Variants in CEP95 observed in about 807,000 individuals in gnomAD.
CEP95 encodes the protein centrosomal protein of 95 kDa.
CEP95 carries 98 observed loss-of-function variants against 111.2 expected under a neutral mutation model. The ratio of observed to expected loss-of-function variants is 0.88; its 90% CI spans 0.75 to 1.04. CEP95 has a LOEUF of 1.04. Ranked by LOEUF, CEP95 falls within the 50% of genes least tolerant of loss-of-function variation. The pLI is 0.00. For missense variants in CEP95, 1,027 were observed against 977.2 expected, an observed-to-expected ratio of 1.05 and a Z score of -0.68; for synonymous variants, 323 against 327.1, an observed-to-expected ratio of 0.99 and a Z score of 0.14.
intron 5 of CEP95, among the ~76,000 whole-genome samples, chr17:64,517,196 G>C (rs782633715): frequency 6.6e-6 from 1 of 151,956 alleles, no homozygotes; most frequent in Non-Finnish European, 1.5e-5. Flanking sequence ...ACAGGCACGC[G>C]CCACCATGCC....
intron 3 of CEP95, among the ~76,000 whole-genome samples, chr17:64,511,880 G>A (rs1376027471): frequency 9.9e-5 from 15 of 152,224 alleles, no homozygotes; most frequent in African/African-American, 3.4e-4. Context: ...ACGTTCTTCT[G>A]CCATGGCTTC....
At chr17:64,537,206 T>C (rs782188877) in intron 19 of CEP95, 94 bp downstream of exon 19, 35 of 1,542,910 alleles carry the variant, frequency 2.3e-5, no homozygotes, top group Non-Finnish European at 3.0e-5. Context: ...CAATAGGCTG[T>C]ATCATATAGC....
chr17:64,527,569 CTTG>C (rs1967918072), intron 11 of CEP95, among the ~76,000 whole-genome samples: 1 of 152,036 alleles, frequency 6.6e-6, no homozygotes, highest in African/African-American at 2.4e-5. Context: ...TCTTCTGATC[CTTG>C]TTTTTATACT....
At chr17:64,536,404 G>A (rs957313736) in intron 17 of CEP95, 198 bp from the exon 18 acceptor site, 3 of 377,818 alleles carry the variant, frequency 7.9e-6, no homozygotes, top group South Asian at 4.4e-5. Flanking sequence ...AGTTGTGACT[G>A]CCCCACTACA....
rs1160437535 is a variant in CEP95, at chr17:64,516,793, A to G, written c.438A>G (p.Glu146=). 7.5e-6 allele frequency: 12 copies of G among 1,610,430 alleles called. No homozygotes were observed. Among genetic ancestry groups the G allele is most frequent in the Non-Finnish European group, 1.0e-5 (12 of 1,176,898 alleles). The change falls in exon 5 of 20, where the codon GAA becomes GAG. Residue 146 remains glutamate, a synonymous_variant. Coordinates refer to ENST00000556440, the MANE Select transcript of CEP95 (RefSeq NM_138363.3). ...ERLEEPESTK[E]SKSSWKRVSF... The stretch of plus-strand genomic sequence containing the variant: ...TGGAAGAGCCAGAAAGTACTAAAGA[A>G]TCTAAATCATCATGGAAAAGAGTTT...
Position 64,536,668 on chromosome 17 carries a change from T to C in CEP95, c.2137T>C (p.Tyr713His). Residue 713 changes from tyrosine to histidine, a missense_variant, in exon 18 of 20, where the codon TAT becomes CAT. Coordinates refer to ENST00000556440, the MANE Select transcript of CEP95 (RefSeq NM_138363.3). ...GCAAAGATTACGAGACCTAAGAAACTATGCCAAAGAAAAGCGAGATGAACA... is the reference window on the plus strand; with the variant it reads ...GCAAAGATTACGAGACCTAAGAAACCATGCCAAAGAAAAGCGAGATGAACA... The part of the protein sequence containing the change: ...QKQRLRDLRN[Y>H]AKEKRDEQRR... 2 of 1,613,244 alleles carry C rather than the reference T, an allele frequency of 1.2e-6. No homozygotes were observed. Among genetic ancestry groups the C allele is most frequent in the African/African-American group, 1.3e-5 (1 of 74,966 alleles).
chr17:64,528,074 A>G (rs1428819019), intron 11 of CEP95, among the ~76,000 whole-genome samples: 1 of 151,960 alleles, frequency 6.6e-6, no homozygotes, highest in Non-Finnish European at 1.5e-5. Flanking sequence ...ACCACTGCCA[A>G]CTTGCCCACC....
intron 7 of CEP95, among the ~76,000 whole-genome samples, chr17:64,522,202 AG>A (rs1967400430): frequency 6.6e-6 from 1 of 152,228 alleles, no homozygotes; most frequent in Non-Finnish European, 1.5e-5. Flanking sequence ...TTCATATGGT[AG>A]TAATACATAA....
Position 64,536,751 on chromosome 17 carries a change from G to A in CEP95, c.2217+3G>A, listed in dbSNP as rs1199235149. On this transcript the variant is annotated splice_donor_region_variant and intron_variant, in intron 18 of 19. Coordinates refer to ENST00000556440, the MANE Select transcript of CEP95 (RefSeq NM_138363.3). ...TGGAGAACTACTATAAGGACCAGGT[G>A]GGCTCCTGGCACTTGCTTACGCTGT... 34 of 1,593,556 alleles carry A rather than the reference G, an allele frequency of 2.1e-5. No homozygotes were observed. The highest frequency in any genetic ancestry group is 2.8e-5 in the Non-Finnish European group (33 of 1,174,716).
Position 64,536,859 on chromosome 17 carries a change from A to G in CEP95, c.2217+111A>G, listed in dbSNP as rs1968691738. On this transcript the variant is annotated intron_variant, in intron 18 of 19. Transcript: ENST00000556440. Reference sequence around the variant, plus strand: ...AAACCTTGTGTTAACTGAAGTTTGCACTCTACAGATTAGAGGACCCCATTT... The same window carrying G: ...AAACCTTGTGTTAACTGAAGTTTGCGCTCTACAGATTAGAGGACCCCATTT... 3 of 1,328,876 alleles carry G rather than the reference A, an allele frequency of 2.3e-6. No homozygotes were observed. The Admixed American group carries it at 7.2e-5, about 32-fold the overall frequency. The allele number at this position is 1,328,876 out of a possible 1,614,324, so 82.3% of individuals were successfully genotyped here.
chr17:64,527,009 T>C (rs528168060), intron 10 of CEP95, 102 bp from the exon 11 acceptor site: 2 of 819,418 alleles, frequency 2.4e-6, no homozygotes, highest in South Asian at 3.5e-5. Context: ...AAACTTGTTA[T>C]TAGTGACTGT....
intron 8 of CEP95, 102 bp downstream of exon 8, chr17:64,522,997 TTGG>T (rs1457721676): frequency 1.2e-6 from 1 of 862,862 alleles, no homozygotes; most frequent in African/African-American, 1.7e-5. Context: ...TGTATGTGTA[TTGG>T]TGAAGTCTTT....
chr17:64,526,094 C>T lies in CEP95; in HGVS notation c.1046C>T (p.Ser349Leu). Reference sequence around the variant, plus strand: ...AGAAATGAAAACAGAGCTACAGCCTCATCCTGCAATTCACCTTTCCCCCAG... The same window carrying T: ...AGAAATGAAAACAGAGCTACAGCCTTATCCTGCAATTCACCTTTCCCCCAG... Reference protein sequence around the residue: ...GKRNENRATASSCNSPFPQRP... With the variant: ...GKRNENRATALSCNSPFPQRP... The change falls in exon 10 of 20, where the codon TCA becomes TTA. Residue 349 changes from serine to leucine, a missense_variant. Physicochemically the swap from Ser to Leu is moderately radical, Grantham distance 145 (BLOSUM62 -2). Transcript: ENST00000556440. 6.2e-7 allele frequency: 1 copy of T among 1,613,756 alleles called. No individual in the cohort carries two copies.
chr17:64,534,860 G>A (rs1555681268), intron 17 of CEP95, 123 bp downstream of exon 17: 3 of 1,148,998 alleles, frequency 2.6e-6, no homozygotes, highest in Admixed American at 4.1e-5. Flanking sequence ...AAGTCCTATA[G>A]TGCTGGCCCT....
In CEP95 at chr17:64,514,377, A is replaced by G; in HGVS notation, c.367+19A>G. On this transcript the variant is annotated intron_variant, in intron 4 of 19. Transcript: ENST00000556440. Reference sequence around the variant, plus strand: ...GAGAAAAGTAAGTTTAAGAATGGAAATTTGGTTTGGTTTACCTTTTATGAT... The same window carrying G: ...GAGAAAAGTAAGTTTAAGAATGGAAGTTTGGTTTGGTTTACCTTTTATGAT... 8.0e-7 allele frequency: 1 copy of G among 1,249,874 alleles called. No individual in the cohort carries two copies. Among genetic ancestry groups the G allele is most frequent in the Non-Finnish European group, 1.1e-6 (1 of 874,014 alleles). The allele number at this position is 1,249,874 out of a possible 1,614,324, so 77.4% of individuals were successfully genotyped here.
chr17:64,530,842 A>G, intron 12 of CEP95, 84 bp from the exon 13 acceptor site: 1 of 706,550 alleles, frequency 1.4e-6, no homozygotes, highest in Non-Finnish European at 2.3e-6. Flanking sequence ...TGTTTACTAG[A>G]CAGGTGCTTT....
chr17:64,537,437 T>A (rs1968734337), intron 19 of CEP95, 166 bp from the exon 20 acceptor site: 1 of 1,379,938 alleles, frequency 7.2e-7, no homozygotes, highest in African/African-American at 1.5e-5. Context: ...CCCAAGACAT[T>A]TTTATCCTAT....
At chr17:64,531,316 G>A (rs1365720299) in intron 13 of CEP95, among the ~76,000 whole-genome samples, 1 of 152,136 alleles carries the variant, frequency 6.6e-6, no homozygotes, top group Non-Finnish European at 1.5e-5. Flanking sequence ...AACTACTCTA[G>A]GCTGACAAAA....
chr17:64,518,033 C>T (rs1416605862), intron 5 of CEP95, among the ~76,000 whole-genome samples: 2 of 152,032 alleles, frequency 1.3e-5, no homozygotes, highest in East Asian at 1.9e-4. Context: ...CACGCCGCCA[C>T]GGCTGGCTAA....
Sources: gnomAD v4.1 joint callset for allele counts (sites outside exome capture counted in the v4.1 genomes callset) on GRCh38, gnomAD v4.1.1 for gene constraint, MANE v1.5 for transcripts, NCBI Gene and HGNC (gene_info 2026-07-23, HGNC 2026-07-21) for gene names.